ADAMTS19: variants seen among roughly 807,000 people sequenced by gnomAD.
The protein encoded by ADAMTS19 is ADAM metallopeptidase with thrombospondin type 1 motif 19.
Under a neutral mutation model 153.3 loss-of-function variants are expected in ADAMTS19, and 93 were observed. That is an observed-to-expected ratio of 0.61 (90% CI 0.51 to 0.72). The LOEUF (loss-of-function observed/expected upper bound fraction) is 0.72. ADAMTS19 is among the 30% of genes least tolerant of loss of function. The pLI is 0.00. For missense variants in ADAMTS19, 1,482 were observed against 1,552.1 expected, an observed-to-expected ratio of 0.95 and a Z score of 0.76; for synonymous variants, 600 against 556.6, an observed-to-expected ratio of 1.08 and a Z score of -1.10.
chr5:129,526,239 T>G, intron 3 of ADAMTS19, 45 bp from the exon 4 acceptor site: 3 of 1,476,706 alleles, frequency 2.0e-6, no homozygotes, highest in Non-Finnish European at 2.7e-6. Flanking sequence ...ATTATTCACT[T>G]TGCCAATATG....
At chr5:129,560,361 G>T (rs548236981) in intron 7 of ADAMTS19, among the ~76,000 whole-genome samples, 1 of 152,096 alleles carries the variant, frequency 6.6e-6, no homozygotes, top group Non-Finnish European at 1.5e-5. Flanking sequence ...GTGGGAGGGT[G>T]GGGAAAGATG....
chr5:129,604,282 A>C (rs1750792753), intron 8 of ADAMTS19, among the ~76,000 whole-genome samples: 1 of 152,164 alleles, frequency 6.6e-6, no homozygotes. Context: ...TGCAGGACCT[A>C]AGTACATGTT....
intron 17 of ADAMTS19, among the ~76,000 whole-genome samples, chr5:129,680,761 CAAAA>C (rs529460608): frequency 1.1e-5 from 1 of 90,738 alleles, no homozygotes; most frequent in Non-Finnish European, 2.7e-5. Flanking sequence ...GACTCTGTCT[CAAAA>C]AAAAAAAAAA....
intron 21 of ADAMTS19, among the ~76,000 whole-genome samples, chr5:129,717,978 C>T (rs191138055): frequency 2.0e-5 from 3 of 152,134 alleles, no homozygotes; most frequent in Non-Finnish European, 4.4e-5. Flanking sequence ...AAAGTTCTCT[C>T]TGGTGGGAAG....
intron 11 of ADAMTS19, among the ~76,000 whole-genome samples, 155 bp from the exon 12 acceptor site, chr5:129,647,610 A>T (rs201563921): frequency 6.6e-6 from 1 of 152,196 alleles, no homozygotes; most frequent in East Asian, 1.9e-4. Flanking sequence ...CTATGACAAA[A>T]AACAAGTGCC....
intron 7 of ADAMTS19, among the ~76,000 whole-genome samples, chr5:129,581,853 G>A (rs375496136): frequency 5.3e-5 from 8 of 152,022 alleles, no homozygotes; most frequent in South Asian, 4.2e-4. Context: ...CCTTAATTTC[G>A]TTATTTACCC....
chr5:129,501,322 A>G (rs1466762645), intron 2 of ADAMTS19, among the ~76,000 whole-genome samples: 2 of 152,180 alleles, frequency 1.3e-5, no homozygotes, highest in Non-Finnish European at 2.9e-5. Context: ...CAGTCCACTT[A>G]GAAAGCCAGT....
chr5:129,653,004 C>T (rs1753383139), intron 13 of ADAMTS19, among the ~76,000 whole-genome samples: 1 of 152,108 alleles, frequency 6.6e-6, no homozygotes, highest in Non-Finnish European at 1.5e-5. Context: ...CATTAAAGGC[C>T]ATGTTCCAAC....
At chr5:129,641,823 C>G (rs1184387066) in intron 10 of ADAMTS19, 36 bp from the exon 11 acceptor site, 1 of 1,375,064 alleles carries the variant, frequency 7.3e-7, no homozygotes. Context: ...AAATGTGATA[C>G]CTTCCCCTTA....
rs77086107 is a variant in ADAMTS19 at position 129,547,380 on chromosome 5, G to T, written c.1329-4484G>T. On this transcript the variant is annotated intron_variant, in intron 6 of 22. Transcript: ENST00000274487. ...TGCAGTAAAGCCCATTTCAAAATTC[G>T]GGCCTTCAGACTGTAAGTTAAAGTT... 4.6e-3 allele frequency among the ~76,000 whole-genome samples: 688 copies of T among 150,738 alleles called. 38 individuals carry two copies. The highest frequency in any genetic ancestry group is 0.026 in the East Asian group (134 of 5,172).
intron 7 of ADAMTS19, among the ~76,000 whole-genome samples, chr5:129,560,425 G>T (rs533939187): frequency 6.6e-6 from 1 of 152,046 alleles, no homozygotes; most frequent in African/African-American, 2.4e-5. Flanking sequence ...ACCTCACCTT[G>T]AACAGGCATT....
At chr5:129,618,378 G>T (rs1751624964) in intron 8 of ADAMTS19, among the ~76,000 whole-genome samples, 1 of 151,932 alleles carries the variant, frequency 6.6e-6, no homozygotes, top group Admixed American at 6.6e-5. Flanking sequence ...AAAGTGAAAA[G>T]TAATATTCAA....
chr5:129,672,273 A>G (rs1754335707), intron 16 of ADAMTS19, among the ~76,000 whole-genome samples: 1 of 152,108 alleles, frequency 6.6e-6, no homozygotes. Flanking sequence ...TCCACCTCCT[A>G]ATAAGAACAC....
intron 21 of ADAMTS19, among the ~76,000 whole-genome samples, chr5:129,718,883 G>A (rs2127195193): frequency 6.6e-6 from 1 of 152,208 alleles, no homozygotes; most frequent in Non-Finnish European, 1.5e-5. Context: ...CTTAATTTAG[G>A]AATTCCTATT....
At chr5:129,541,545 C>T (rs935520168) in intron 6 of ADAMTS19, among the ~76,000 whole-genome samples, 8 of 151,862 alleles carry the variant, frequency 5.3e-5, no homozygotes, top group African/African-American at 1.9e-4. Flanking sequence ...TTTCCTTCTC[C>T]ATTTGTTTGC....
chr5:129,491,446 A>G (rs962225148), intron 2 of ADAMTS19, among the ~76,000 whole-genome samples: 2 of 151,968 alleles, frequency 1.3e-5, no homozygotes, highest in Non-Finnish European at 2.9e-5. Context: ...TTTCCATTTT[A>G]ATTTCCTTGC....
At chr5:129,665,663 A>G (rs1754017705) in intron 16 of ADAMTS19, 84 bp downstream of exon 16, 1 of 1,068,850 alleles carries the variant, frequency 9.4e-7, no homozygotes, top group Non-Finnish European at 1.3e-6. Context: ...GAGGAAGTCA[A>G]TCTGTTTCTA....
intron 2 of ADAMTS19, among the ~76,000 whole-genome samples, chr5:129,479,228 T>C (rs1750330342): frequency 6.6e-6 from 1 of 152,180 alleles, no homozygotes; most frequent in African/African-American, 2.4e-5. Flanking sequence ...CACATTCACA[T>C]CATTTTAATC....
chr5:129,596,894 G>A (rs1184742928), intron 8 of ADAMTS19, among the ~76,000 whole-genome samples: 1 of 152,078 alleles, frequency 6.6e-6, no homozygotes, highest in Non-Finnish European at 1.5e-5. Flanking sequence ...TCCCTATCAA[G>A]ACAGTCATTA....
Sources: allele counts gnomAD v4.1 joint callset (sites outside exome capture counted in the v4.1 genomes callset), GRCh38; gene constraint gnomAD v4.1.1; transcripts MANE v1.5; gene names NCBI Gene and HGNC (gene_info 2026-07-23, HGNC 2026-07-21).